The following EML1 variants were observed in gnomAD, a reference collection of about 807,000 sequenced individuals.
EML1 encodes echinoderm microtubule-associated protein-like 1.
In EML1, 27 loss-of-function variants were observed where a neutral mutation model predicts 110.4. That is an observed-to-expected ratio of 0.24 (90% CI 0.18 to 0.34). The LOEUF (loss-of-function observed/expected upper bound fraction) is 0.34. Ranked by LOEUF, EML1 falls within the 10% of genes least tolerant of loss-of-function variation. The probability of loss-of-function intolerance (pLI) is 1.00; values close to 1 mark genes in which losing one functional copy is unlikely to be tolerated. For missense variants in EML1, 741 were observed against 1,030.9 expected, an observed-to-expected ratio of 0.72 and a Z score of 3.85; for synonymous variants, 344 against 385.8, an observed-to-expected ratio of 0.89 and a Z score of 1.27.
In EML1 at chr14:99,874,191, C is replaced by A. The variant is rs115697215; in HGVS notation, c.384-4294C>A. Among the ~76,000 whole-genome samples, 513 of 152,284 alleles carry A rather than the reference C, an allele frequency of 3.4e-3. 5 individuals are homozygous for A. The highest frequency in any genetic ancestry group is 0.012 in the African/African-American group (490 of 41,560). On this transcript the variant is annotated intron_variant, in intron 3 of 21. Transcript: ENST00000262233. ...TTTCTTATGGTCACCAGTCTCCCTG[C>A]AGAAATTTTATTATGTCTAAAGTGT...
chr14:99,809,507 G>A (rs931159249), intron 1 of EML1: 45 of 383,894 alleles, frequency 1.2e-4, no homozygotes, highest in Admixed American at 2.2e-4. Context: ...CCAGCACTTG[G>A]ACAGGCGCCC....
intron 1 of EML1, among the ~76,000 whole-genome samples, chr14:99,782,717 G>T (rs1323009178): frequency 1.3e-5 from 2 of 152,038 alleles, no homozygotes; most frequent in Non-Finnish European, 2.9e-5. Context: ...AAGAGTTACC[G>T]GACCCCCCAT....
chr14:99,909,979 C>T lies in EML1; in HGVS notation c.1240-263C>T, dbSNP rs149114006. ...CTTCTCCCCGGTCAGTACCCTCCTC[C>T]GCTTGCTGTCTGCAGCTTTATGATT... On this transcript the variant is annotated intron_variant, in intron 11 of 21. Coordinates refer to ENST00000262233, the MANE Select transcript of EML1 (RefSeq NM_004434.3). 4.4e-3 allele frequency among the ~76,000 whole-genome samples: 664 copies of T among 152,240 alleles called. 5 individuals carry two copies. Among genetic ancestry groups the T allele is most frequent in the African/African-American group, 0.015 (618 of 41,526 alleles).
chr14:99,874,394 A>C (rs1408947798), intron 3 of EML1, among the ~76,000 whole-genome samples: 2 of 152,242 alleles, frequency 1.3e-5, no homozygotes, highest in African/African-American at 4.8e-5. Context: ...TAAAAAATAT[A>C]CTGCATTATT....
At chr14:99,838,889 C>T (rs1403317101) in intron 1 of EML1, among the ~76,000 whole-genome samples, 2 of 124,798 alleles carry the variant, frequency 1.6e-5, no homozygotes, top group African/African-American at 5.5e-5. Flanking sequence ...AAGAGCATTT[C>T]TGCAAAGGTT....
upstream of EML1, among the ~76,000 whole-genome samples, chr14:99,790,866 C>CATTTTTTTTTTTTTTT (rs2057660805): frequency 7.0e-6 from 1 of 142,774 alleles, no homozygotes; most frequent in Non-Finnish European, 1.5e-5. Context: ...TTTTCTTTTC[C>CATTTTTTTTTTTTTTT]TTTTTTTTTG....
At chr14:99,882,670 A>G (rs936603738) in intron 4 of EML1, among the ~76,000 whole-genome samples, 11 of 151,086 alleles carry the variant, frequency 7.3e-5, no homozygotes, top group South Asian at 4.2e-4. Flanking sequence ...AAAAAAAAAA[A>G]AAAAAGAAAA....
At chr14:99,868,100 G>T (rs1336925379) in intron 3 of EML1, among the ~76,000 whole-genome samples, 1 of 152,166 alleles carries the variant, frequency 6.6e-6, no homozygotes, top group African/African-American at 2.4e-5. Context: ...CCTTTATTCT[G>T]TGAATATTGT....
chr14:99,844,336 G>C (rs528394361), intron 1 of EML1, among the ~76,000 whole-genome samples: 3 of 152,040 alleles, frequency 2.0e-5, no homozygotes, highest in Admixed American at 6.6e-5. Flanking sequence ...AAAATTAGCC[G>C]AGCATGGTGG....
Position 99,882,666 on chromosome 14 carries a change from A to G in EML1, c.518+4047A>G, listed in dbSNP as rs985820544. ...TGATGAGCTAAAAAAAAAAAAAAAA[A>G]AAAAAAAAAGAAAATTGCCAAAAAA... On this transcript the variant is annotated intron_variant, in intron 4 of 21. Transcript: ENST00000262233. 2.9e-4 allele frequency among the ~76,000 whole-genome samples: 44 copies of G among 151,758 alleles called. 1 individual carries two copies. In the East Asian group the frequency reaches 3.9e-3, roughly 13 times the overall value.
chr14:99,830,574 G>A (rs1286121448), intron 1 of EML1, among the ~76,000 whole-genome samples: 2 of 143,618 alleles, frequency 1.4e-5, no homozygotes, highest in Non-Finnish European at 3.0e-5. Flanking sequence ...TTTTGAGACA[G>A]AGTCTAGCTC....
rs566140931 is a variant in EML1 at position 99,827,434 on chromosome 14, G to A, written c.68-23419G>A. Among the ~76,000 whole-genome samples, 1 of 152,264 alleles carries A rather than the reference G, an allele frequency of 6.6e-6. No homozygotes were observed. The highest frequency in any genetic ancestry group is 1.9e-4 in the East Asian group (1 of 5,188). On this transcript the variant is annotated intron_variant, in intron 1 of 21. Coordinates refer to ENST00000262233, the MANE Select transcript of EML1 (RefSeq NM_004434.3). The surrounding 1 kb of genome is among the most constrained non-coding windows in gnomAD (Gnocchi z 4.4). The stretch of plus-strand genomic sequence containing the variant: ...AGTAAGGTGCAAATACCCTTGCAGC[G>A]TATCCAGGCCCAGTAGGCACGAGTA...
chr14:99,931,755 G>T (rs1485503871), intron 17 of EML1, among the ~76,000 whole-genome samples: 10 of 152,156 alleles, frequency 6.6e-5, no homozygotes, highest in Admixed American at 6.6e-4. Flanking sequence ...ACGCTGGTTG[G>T]TTTTGATTTC....
intron 1 of EML1, among the ~76,000 whole-genome samples, chr14:99,813,707 T>A (rs2058118979): frequency 6.6e-6 from 1 of 151,322 alleles, no homozygotes; most frequent in East Asian, 1.9e-4. Context: ...GACTCTGTCT[T>A]AAAAAAAAAA....
At chr14:99,854,997 G>A (rs2058878147) in intron 2 of EML1, among the ~76,000 whole-genome samples, 1 of 152,124 alleles carries the variant, frequency 6.6e-6, no homozygotes, top group Non-Finnish European at 1.5e-5. Flanking sequence ...GAGAAAAACT[G>A]GATAGGAAAC....
intron 1 of EML1, among the ~76,000 whole-genome samples, chr14:99,806,803 T>C (rs1426642179): frequency 6.6e-6 from 1 of 152,104 alleles, no homozygotes; most frequent in African/African-American, 2.4e-5. Context: ...GTCTAAGCTC[T>C]TTTAGGAATG....
At chr14:99,891,603 G>A (rs1043727957) in intron 5 of EML1, among the ~76,000 whole-genome samples, 1 of 152,082 alleles carries the variant, frequency 6.6e-6, no homozygotes, top group Non-Finnish European at 1.5e-5. Flanking sequence ...TTCTCTTAGG[G>A]GAAAGTTTCT....
intron 4 of EML1, among the ~76,000 whole-genome samples, chr14:99,886,669 AG>A (rs1215839674): frequency 6.6e-6 from 1 of 152,236 alleles, no homozygotes; most frequent in Non-Finnish European, 1.5e-5. Flanking sequence ...CTAGTTGCCC[AG>A]GACTTCTTAC....
intron 1 of EML1, among the ~76,000 whole-genome samples, chr14:99,803,207 T>TC (rs2057913846): frequency 6.6e-6 from 1 of 152,184 alleles, no homozygotes; most frequent in Admixed American, 6.5e-5. Flanking sequence ...ATCTTATTTA[T>TC]CTTATAGCAC....
Sources: gnomAD v4.1 joint callset for allele counts (sites outside exome capture counted in the v4.1 genomes callset) on GRCh38, gnomAD v4.1.1 for gene constraint, Gnocchi (gnomAD v3.1) non-coding constraint, MANE v1.5 for transcripts, NCBI Gene and HGNC (gene_info 2026-07-23, HGNC 2026-07-21) for gene names.